Variants in CUX1 observed in about 807,000 individuals in gnomAD.
The protein encoded by CUX1 is protein CASP.
A neutral mutation model predicts 158.8 loss-of-function variants in CUX1; 31 were observed. The ratio of observed to expected loss-of-function variants is 0.20; its 90% confidence interval spans 0.15 to 0.26. CUX1 has a LOEUF of 0.26. Ranked by LOEUF, CUX1 falls within the 10% of genes least tolerant of loss-of-function variation. The pLI is 1.00. For missense variants in CUX1, 1,589 were observed against 2,014.6 expected, an observed-to-expected ratio of 0.79 and a Z score of 4.04; for synonymous variants, 879 against 862.1, an observed-to-expected ratio of 1.02 and a Z score of -0.34.
At chr7:101,907,243 G>A (rs376182085) in intron 1 of CUX1, among the ~76,000 whole-genome samples, 49 of 152,320 alleles carry the variant, frequency 3.2e-4, no homozygotes, top group African/African-American at 1.1e-3. Flanking sequence ...GCAGCGTTAC[G>A]CAGGAGCACT....
chr7:102,128,531 G>T (rs1832887693), intron 8 of CUX1, among the ~76,000 whole-genome samples: 1 of 150,508 alleles, frequency 6.6e-6, no homozygotes. Flanking sequence ...GTGGCCTTCA[G>T]GCAGGGCTGC....
At chr7:102,239,617 G>A (rs1554534182) in intron 23 of CUX1, 33 bp downstream of exon 23, 4 of 1,595,528 alleles carry the variant, frequency 2.5e-6, no homozygotes, top group East Asian at 2.2e-5. Context: ...AGCGCCGGTC[G>A]GCCCAGGGGA....
chr7:102,171,454 C>CT (rs1387555080), intron 10 of CUX1, among the ~76,000 whole-genome samples: 24 of 123,332 alleles, frequency 1.9e-4, no homozygotes, highest in East Asian at 7.2e-4. Context: ...TTTTTTTTTT[C>CT]TTTTTTTTTC....
intron 16 of CUX1, among the ~76,000 whole-genome samples, chr7:102,199,751 A>G (rs1795202296): frequency 6.6e-6 from 1 of 152,258 alleles, no homozygotes. Context: ...TAAGTGACTC[A>G]TGAGAAACAT....
At chr7:102,277,928 T>A in intron 17 of CUX1, 9 of 1,043,570 alleles carry the variant, frequency 8.6e-6, no homozygotes, top group Non-Finnish European at 1.3e-5. Context: ...CCCACCCCTT[T>A]CCTTGCCCCT....
intron 2 of CUX1, among the ~76,000 whole-genome samples, chr7:101,940,979 T>C (rs376262588): frequency 6.6e-6 from 1 of 152,210 alleles, no homozygotes; most frequent in Non-Finnish European, 1.5e-5. Flanking sequence ...TGCATTTCTC[T>C]TGTAGTGAAG....
At chr7:102,234,740 CA>C (rs1799359815) in intron 22 of CUX1, among the ~76,000 whole-genome samples, 1 of 136,776 alleles carries the variant, frequency 7.3e-6, no homozygotes, top group Non-Finnish European at 1.6e-5. Flanking sequence ...GCCAACATGG[CA>C]AAACCCCCTC....
At chr7:101,844,185 C>T (rs1381175725) in intron 1 of CUX1, among the ~76,000 whole-genome samples, 2 of 145,088 alleles carry the variant, frequency 1.4e-5, no homozygotes, top group South Asian at 2.3e-4. Context: ...CCCCTCCCCG[C>T]CCCCGCCCCC....
chr7:101,828,073 T>C (rs1793585067), intron 1 of CUX1, among the ~76,000 whole-genome samples: 1 of 151,278 alleles, frequency 6.6e-6, no homozygotes, highest in South Asian at 2.1e-4. Flanking sequence ...CCTCCCAGGT[T>C]CAAGTGATTC....
At chr7:102,262,012 G>A (rs1382697919), downstream of CUX1, among the ~76,000 whole-genome samples, 1 of 152,108 alleles carries the variant, frequency 6.6e-6, no homozygotes, top group Non-Finnish European at 1.5e-5. Context: ...CAGCTACTTG[G>A]GAGGCTGAAG....
intron 1 of CUX1, among the ~76,000 whole-genome samples, chr7:101,822,784 C>A (rs1309542930): frequency 1.3e-5 from 2 of 151,826 alleles, no homozygotes; most frequent in Non-Finnish European, 2.9e-5. Flanking sequence ...ATCCATAATC[C>A]CAGATACTCG....
chr7:102,190,652 A>G (rs1312144361), intron 12 of CUX1, among the ~76,000 whole-genome samples: 1 of 152,212 alleles, frequency 6.6e-6, no homozygotes, highest in Non-Finnish European at 1.5e-5. Context: ...TGCCTAGGGC[A>G]TGGTGACCAG....
At chr7:102,092,048 G>A (rs1231550726) in intron 4 of CUX1, among the ~76,000 whole-genome samples, 1 of 152,196 alleles carries the variant, frequency 6.6e-6, no homozygotes, top group Non-Finnish European at 1.5e-5. Context: ...GCGCCATGCC[G>A]TCCATCTCTG....
At chr7:102,123,855 G>A (rs576351586) in intron 8 of CUX1, among the ~76,000 whole-genome samples, 1 of 152,006 alleles carries the variant, frequency 6.6e-6, no homozygotes, top group South Asian at 2.1e-4. Context: ...TAGAGATGGG[G>A]GTTTCACCAT....
At chr7:102,259,275 T>C (rs1790197574), downstream of CUX1, among the ~76,000 whole-genome samples, 1 of 152,114 alleles carries the variant, frequency 6.6e-6, no homozygotes, top group South Asian at 2.1e-4. Flanking sequence ...TCCCCTCAGA[T>C]AGGAGAGGCC....
In CUX1 at chr7:102,273,172, GA is replaced by G. The variant is rs1225294309; in HGVS notation, c.1256-193del. Among the ~76,000 whole-genome samples, 22 of 152,194 alleles carry G rather than the reference GA, an allele frequency of 1.4e-4. 1 individual carries two copies. Among genetic ancestry groups the G allele is most frequent in the African/African-American group, 4.3e-4 (18 of 41,448 alleles). ...GCCAGGAGTGCCTCTGACAGTCAGG[GA>G]GGGCTTCCTGGAGGAGGCCCTAGGT... is the stretch of plus-strand genomic sequence containing the variant. On this transcript the variant is annotated intron_variant, in intron 14 of 22. Coordinates refer to the CUX1 transcript ENST00000292538.
At chr7:102,282,873 A>G in intron 22 of CUX1, 2 of 799,048 alleles carry the variant, frequency 2.5e-6, no homozygotes, top group South Asian at 3.0e-5. Flanking sequence ...CCCACTCCTT[A>G]GCCCTCCATC....
intron 14 of CUX1, among the ~76,000 whole-genome samples, chr7:102,265,993 C>T (rs1310336172): frequency 2.0e-5 from 3 of 151,992 alleles, no homozygotes; most frequent in Non-Finnish European, 4.4e-5. Context: ...CACTTCAAGC[C>T]AGGAGTTTAA....
At chr7:101,894,001 C>G (rs1470352461) in intron 1 of CUX1, among the ~76,000 whole-genome samples, 1 of 152,076 alleles carries the variant, frequency 6.6e-6, no homozygotes, top group African/African-American at 2.4e-5. Context: ...AATATATATT[C>G]AAGTTAGAAA....
Sources: gnomAD v4.1 joint callset for allele counts (sites outside exome capture counted in the v4.1 genomes callset) on GRCh38, gnomAD v4.1.1 for gene constraint, MANE v1.5 for transcripts, NCBI Gene and HGNC (gene_info 2026-07-23, HGNC 2026-07-21) for gene names.